Variants in CCL23 observed in about 807,000 individuals in gnomAD.
CCL23 encodes the protein C-C motif chemokine 23.
Under a neutral mutation model 11.8 loss-of-function variants are expected in CCL23, and 10 were observed. That is an observed-to-expected ratio of 0.84 (90% CI 0.52 to 1.43). The LOEUF is 1.43. Among genes scored for constraint, CCL23 ranks in the 40% most tolerant of loss-of-function variants. The pLI is 0.00. For missense variants in CCL23, 181 were observed against 170.9 expected, an observed-to-expected ratio of 1.06 and a Z score of -0.33; for synonymous variants, 60 against 61.0, an observed-to-expected ratio of 0.98 and a Z score of 0.07.
At position 36,013,822 on chromosome 17, in the gene CCL23, T is replaced by TAGGA. The variant is rs778893945; in HGVS notation, c.220_223dup (p.Tyr75PhefsTer17). 6.2e-7 allele frequency: 1 copy of TAGGA among 1,614,122 alleles called. No individual in the cohort carries two copies. The highest frequency in any genetic ancestry group is 1.1e-5 in the South Asian group (1 of 91,072). On this transcript the variant is annotated frameshift_variant, in exon 3 of 4. Coordinates refer to ENST00000615050, the MANE Select transcript of CCL23 (RefSeq NM_005064.6). LOFTEE classifies it high-confidence loss of function. ...TGAACACGGGATGCTTCGTGGGGTG[T>TAGGA]AGGAGATGCAGCAGTCAGCACTAGT...
rs140475420 is a variant in CCL23 at position 36,013,849 on chromosome 17, G to A, written c.197C>T (p.Ala66Val). 1.9e-5 allele frequency: 30 copies of A among 1,613,950 alleles called. No homozygotes were observed. The African/African-American group carries it at 3.9e-4, about 21-fold the overall frequency. The change falls in exon 3 of 4, where the codon GCT (alanine) becomes GTT (valine). Residue 66 changes from alanine to valine, a missense_variant. By Grantham distance (64) the Ala-to-Val change is moderately conservative. Coordinates refer to ENST00000615050, the MANE Select transcript of CCL23 (RefSeq NM_005064.6). ...MTLSHAAGFHATSADCCISYT... is the reference protein window; with the variant it reads ...MTLSHAAGFHVTSADCCISYT... ...GGAGATGCAGCAGTCAGCACTAGTA[G>A]CATGGAATCCTGCAGCATGAGAAAG...
chr17:36,014,926 G>C (rs939193682), intron 1 of CCL23, among the ~76,000 whole-genome samples: 6 of 150,752 alleles, frequency 4.0e-5, no homozygotes, highest in African/African-American at 1.5e-4. Flanking sequence ...ATATGTTTAA[G>C]TTTTTTACTA....
intron 1 of CCL23, among the ~76,000 whole-genome samples, chr17:36,014,886 C>T (rs1395056869): frequency 6.6e-6 from 1 of 152,138 alleles, no homozygotes; most frequent in Admixed American, 6.5e-5. Context: ...ATACTGTTCC[C>T]AGGCCTCATC....
Position 36,013,746 on chromosome 17 carries a change from G to A in CCL23, c.300C>T (p.Val100=), listed in dbSNP as rs1368416156. ...TGTTTGGTGAGCTTGGCACCTACAT[G>A]ACACCCGGCTTGGAGCACTCGCTGT... ...ETNSECSKPG[V]IFLTKKGRRF... The change falls in exon 3 of 4, where the codon GTC becomes GTT. Residue 100 remains valine (V), a splice_region_variant and synonymous_variant. Transcript: ENST00000615050. The A allele has an allele frequency of 6.2e-7, 1 of 1,614,080 alleles. No individual in the cohort carries two copies. Among genetic ancestry groups the A allele is most frequent in the Admixed American group, 1.7e-5 (1 of 60,024 alleles).
At position 36,017,942 on chromosome 17, in the gene CCL23, C is replaced by T. The variant is rs568579695; in HGVS notation, c.-45G>A. 5 of 1,606,784 alleles carry T rather than the reference C, an allele frequency of 3.1e-6. No homozygotes were observed. The African/African-American group carries it at 5.3e-5, about 17-fold the overall frequency. The stretch of plus-strand genomic sequence containing the variant: ...GGCTGGCCGAGGACTCCTGGGCTCA[C>T]TGCTTCCTGGCTTCTCGGGATGCCA... On this transcript the variant is annotated 5_prime_UTR_variant, in exon 1 of 4. It adds an upstream start codon to the 5' untranslated region. Transcript: ENST00000615050.
chr17:36,017,024 T>G (rs1169753097), intron 1 of CCL23, among the ~76,000 whole-genome samples: 1 of 152,086 alleles, frequency 6.6e-6, no homozygotes, highest in East Asian at 1.9e-4. Flanking sequence ...CAATATGGTT[T>G]GGGTAAGGTA....
rs80219613 is a variant in CCL23 at position 36,013,285 on chromosome 17, C to T, written c.326G>A (p.Arg109His). The T allele has an allele frequency of 0.012, 19,916 of 1,613,232 alleles. 158 individuals are homozygous for T. The highest frequency in any genetic ancestry group is 0.015 in the Non-Finnish European group (17,473 of 1,179,272). Residue 109 changes from arginine (R) to histidine (H), a missense_variant, in exon 4 of 4, where the codon CGT becomes CAT. Physicochemically the swap from Arg to His is conservative, Grantham distance 29. Coordinates refer to ENST00000615050, the MANE Select transcript of CCL23 (RefSeq NM_005064.6). ...GVIFLTKKGR[R>H]FCANPSDKQV... ...CTTATCACTGGGGTTGGCACAGAAA[C>T]GTCGCCCCTTCTTGGTGAGGAAGCT...
At chr17:36,017,455 A>G (rs2090105994) in intron 1 of CCL23, among the ~76,000 whole-genome samples, 1 of 152,228 alleles carries the variant, frequency 6.6e-6, no homozygotes, top group Non-Finnish European at 1.5e-5. Context: ...GATAGATACT[A>G]CTAGATGGTA....
At position 36,014,412 on chromosome 17, in the gene CCL23, A is replaced by G. The variant is rs769880253; in HGVS notation, c.77-19T>C. 6.2e-7 allele frequency: 1 copy of G among 1,604,648 alleles called. No homozygotes were observed. Among genetic ancestry groups the G allele is most frequent in the Non-Finnish European group, 8.5e-7 (1 of 1,171,374 alleles). On this transcript the variant is annotated intron_variant, in intron 1 of 3. Coordinates refer to ENST00000615050, the MANE Select transcript of CCL23 (RefSeq NM_005064.6). Reference sequence around the variant, plus strand: ...TCTGCATCTGGAAGAAGCAGACAGGACAGGGAAGGAAATCACTGGGCGGCA... The same window carrying G: ...TCTGCATCTGGAAGAAGCAGACAGGGCAGGGAAGGAAATCACTGGGCGGCA...
In CCL23 at chr17:36,013,737, C is replaced by A; in HGVS notation, c.302+7G>T. The stretch of plus-strand genomic sequence containing the variant: ...CTCAACACATGTTTGGTGAGCTTGG[C>A]ACCTACATGACACCCGGCTTGGAGC... On this transcript the variant is annotated splice_region_variant and intron_variant, in intron 3 of 3. Coordinates refer to ENST00000615050, the MANE Select transcript of CCL23 (RefSeq NM_005064.6). 1 of 1,613,918 alleles carries A rather than the reference C, an allele frequency of 6.2e-7. No homozygotes were observed. Among genetic ancestry groups the A allele is most frequent in the Non-Finnish European group, 8.5e-7 (1 of 1,179,900 alleles).
At chr17:36,014,203 C>T (rs1028493019) in intron 2 of CCL23, 131 bp downstream of exon 2, 2 of 754,158 alleles carry the variant, frequency 2.7e-6, no homozygotes, top group Admixed American at 4.0e-5. Context: ...TCCTGATCTT[C>T]CTTGGAGATG....
In CCL23 at chr17:36,013,200, A is replaced by T; in HGVS notation, c.411T>A (p.Asn137Lys). Residue 137 changes from asparagine to lysine, a missense_variant, in exon 4 of 4, where the codon AAT becomes AAA. Asn to Lys is a moderately conservative substitution (Grantham distance 94). Coordinates refer to ENST00000615050, the MANE Select transcript of CCL23 (RefSeq NM_005064.6). ...KLDTRIKTRKN is the reference protein window; with the variant it reads ...KLDTRIKTRKK ...GTGTCCCTTCACCTTGACAAGTTCA[A>T]TTCTTCCTGGTCTTGATCCGTGTGT... The T allele has an allele frequency of 6.2e-7, 1 of 1,604,238 alleles. No homozygotes were observed. Among genetic ancestry groups the T allele is most frequent in the Non-Finnish European group, 8.5e-7 (1 of 1,170,894 alleles).
chr17:36,015,489 A>C (rs747544997), intron 1 of CCL23, among the ~76,000 whole-genome samples: 1 of 152,150 alleles, frequency 6.6e-6, no homozygotes, highest in African/African-American at 2.4e-5. Flanking sequence ...CAATTCATGT[A>C]CCTGCTTTGA....
chr17:36,014,065 C>G (rs922095369), intron 2 of CCL23, among the ~76,000 whole-genome samples, 156 bp from the exon 3 acceptor site: 4 of 152,198 alleles, frequency 2.6e-5, no homozygotes, highest in African/African-American at 7.2e-5. Context: ...AAAATTTCCC[C>G]TAGAAGGGGA....
In CCL23 at chr17:36,013,228, A is replaced by G; in HGVS notation, c.383T>C (p.Leu128Pro). 2 of 1,613,324 alleles carry G rather than the reference A, an allele frequency of 1.2e-6. No homozygotes were observed. Among genetic ancestry groups the G allele is most frequent in the African/African-American group, 1.3e-5 (1 of 75,020 alleles). ...CTTCCTGGTCTTGATCCGTGTGTCC[A>G]GCTTCAGCATTCTCATGCAAACCTG... Reference protein sequence around the residue: ...QVQVCMRMLKLDTRIKTRKN With the variant: ...QVQVCMRMLKPDTRIKTRKN The change falls in exon 4 of 4, where the codon CTG becomes CCG. Residue 128 changes from leucine to proline, a missense_variant. Transcript: ENST00000615050.
chr17:36,015,231 C>T (rs373519887), intron 1 of CCL23, among the ~76,000 whole-genome samples: 2 of 152,226 alleles, frequency 1.3e-5, no homozygotes, highest in East Asian at 3.9e-4. Flanking sequence ...TGGTTTATTT[C>T]ACTTAGCATA....
intron 1 of CCL23, among the ~76,000 whole-genome samples, chr17:36,015,250 G>C (rs1365521414): frequency 6.6e-6 from 1 of 152,012 alleles, no homozygotes; most frequent in Non-Finnish European, 1.5e-5. Flanking sequence ...TAATGTCCTT[G>C]ATGTTTATCC....
Position 36,013,416 on chromosome 17 carries a change from T to A in CCL23, c.303-108A>T, listed in dbSNP as rs1488354604. The A allele has an allele frequency of 8.9e-6, 6 of 673,518 alleles. No homozygotes were observed. In the African/African-American group the frequency reaches 9.1e-5, roughly 10 times the overall value. 41.7% of individuals were successfully genotyped at this position (673,518 alleles called of 1,614,324 possible). On this transcript the variant is annotated intron_variant, in intron 3 of 3. Coordinates refer to ENST00000615050, the MANE Select transcript of CCL23 (RefSeq NM_005064.6). ...AGATTTCCCAGTCAATATAGCCAGT[T>A]TTTTTTTCTTTTTTTTTTCATTCTC...
chr17:36,016,897 C>T lies in CCL23; in HGVS notation c.76+925G>A, dbSNP rs554550979. On this transcript the variant is annotated intron_variant, in intron 1 of 3. Coordinates refer to ENST00000615050, the MANE Select transcript of CCL23 (RefSeq NM_005064.6). The stretch of plus-strand genomic sequence containing the variant: ...TTGAAACATAAAGACTTGGCAATAA[C>T]GATTCAGCTGCCGAATTAGTCCCCC... 5.3e-4 allele frequency among the ~76,000 whole-genome samples: 81 copies of T among 151,830 alleles called. No individual in the cohort carries two copies. The South Asian group carries it at 0.012, about 22-fold the overall frequency.
Sources: allele counts gnomAD v4.1 joint callset (sites outside exome capture counted in the v4.1 genomes callset), GRCh38; gene constraint gnomAD v4.1.1; transcripts MANE v1.5; gene names NCBI Gene and HGNC (gene_info 2026-07-23, HGNC 2026-07-21).